TNIP3: variants seen among roughly 807,000 people sequenced by gnomAD.
TNIP3 encodes the protein TNFAIP3-interacting protein 3.
In TNIP3, 34 loss-of-function variants were observed where a neutral mutation model predicts 54.1. The ratio of observed to expected loss-of-function variants is 0.63; its 90% CI spans 0.48 to 0.84. The LOEUF (loss-of-function observed/expected upper bound fraction) is 0.84. Ranked by LOEUF, TNIP3 falls within the 40% of genes least tolerant of loss-of-function variation. The pLI, the probability that TNIP3 is intolerant of heterozygous loss-of-function variation, is 0.00. For synonymous variants in TNIP3, 134 were observed against 136.8 expected, an observed-to-expected ratio of 0.98 and a Z score of 0.14; for missense variants, 366 against 387.6, an observed-to-expected ratio of 0.94 and a Z score of 0.47.
intron 2 of TNIP3, among the ~76,000 whole-genome samples, chr4:121,214,304 G>C (rs1008700954): frequency 2.0e-5 from 3 of 152,130 alleles, no homozygotes; most frequent in Non-Finnish European, 4.4e-5. Flanking sequence ...GAACATTTTA[G>C]ATTACTATTA....
chr4:121,211,735 G>T (rs1726488255), intron 2 of TNIP3, among the ~76,000 whole-genome samples: 1 of 152,142 alleles, frequency 6.6e-6, no homozygotes, highest in South Asian at 2.1e-4. Flanking sequence ...TCTGTATATT[G>T]AATTATCAAC....
intron 9 of TNIP3, among the ~76,000 whole-genome samples, chr4:121,139,094 A>T (rs191324279): frequency 2.6e-5 from 4 of 152,318 alleles, no homozygotes; most frequent in Admixed American, 1.3e-4. Context: ...AAAAAGTTTA[A>T]TACAAGTTTT....
intron 3 of TNIP3, among the ~76,000 whole-genome samples, chr4:121,171,723 TTTTTG>T (rs376358497): frequency 1.3e-3 from 193 of 152,154 alleles, no homozygotes; most frequent in African/African-American, 4.4e-3. Flanking sequence ...ACTCCCCTAC[TTTTTG>T]TTTTGTTTTG....
At chr4:121,168,238 G>A (rs1195962520), upstream of TNIP3, among the ~76,000 whole-genome samples, 6 of 151,406 alleles carry the variant, frequency 4.0e-5, no homozygotes, top group African/African-American at 7.3e-5. Context: ...ACAGAGTCTC[G>A]CTCTGTCACC....
At chr4:121,182,708 T>G (rs1724783327) in exon 3 of TNIP3, 1 of 1,534,194 alleles carries the variant, frequency 6.5e-7, no homozygotes, top group Non-Finnish European at 8.7e-7. Flanking sequence ...TGAGTTGGCA[T>G]GGCCTCTGGG....
intron 2 of TNIP3, among the ~76,000 whole-genome samples, chr4:121,215,969 CTAAG>C (rs2148850058): frequency 6.6e-6 from 1 of 151,792 alleles, no homozygotes; most frequent in East Asian, 1.9e-4. Flanking sequence ...TGGAAAGCGC[CTAAG>C]TAAGGGATTT....
At position 121,223,633 on chromosome 4, in the gene TNIP3, T is replaced by A. The variant is rs144189403; in HGVS notation, c.3+3752A>T. On this transcript the variant is annotated intron_variant, in intron 1 of 12. Transcript: ENST00000509841. ...TAGAAAAGGTAAAAATGCCTCATTA[T>A]CACACGTGCATTTCATCATAGCTTT... 1.5e-4 allele frequency among the ~76,000 whole-genome samples: 23 copies of A among 152,270 alleles called. No homozygotes were observed. In the East Asian group the frequency reaches 3.7e-3, roughly 24 times the overall value.
At chr4:121,140,320 C>A (rs551875007) in intron 9 of TNIP3, among the ~76,000 whole-genome samples, 2 of 151,462 alleles carry the variant, frequency 1.3e-5, no homozygotes, top group Non-Finnish European at 2.9e-5. Context: ...GATGACAGAG[C>A]GAGATGCCTT....
At chr4:121,164,553 T>C (rs1730653842), upstream of TNIP3, among the ~76,000 whole-genome samples, 1 of 152,218 alleles carries the variant, frequency 6.6e-6, no homozygotes, top group African/African-American at 2.4e-5. Context: ...CTAACTGTTA[T>C]AAATTCATTG....
chr4:121,154,803 A>G (rs1729985366), intron 4 of TNIP3, 124 bp from the exon 5 acceptor site: 3 of 835,498 alleles, frequency 3.6e-6, no homozygotes, highest in South Asian at 3.9e-5. Flanking sequence ...AAATACAATA[A>G]AAACAGGACC....
chr4:121,180,738 G>A (rs996457864), intron 3 of TNIP3, among the ~76,000 whole-genome samples: 37 of 152,280 alleles, frequency 2.4e-4, no homozygotes, highest in Non-Finnish European at 5.9e-5. Flanking sequence ...ACACTGTTAA[G>A]TGATTGGTCT....
intron 10 of TNIP3, among the ~76,000 whole-genome samples, chr4:121,137,292 T>C (rs1373987307): frequency 6.6e-6 from 1 of 152,220 alleles, no homozygotes; most frequent in Non-Finnish European, 1.5e-5. Context: ...TATACCATAA[T>C]AGATTTTAAA....
intron 3 of TNIP3, among the ~76,000 whole-genome samples, chr4:121,170,792 C>T (rs1024352625): frequency 4.6e-5 from 7 of 151,976 alleles, no homozygotes; most frequent in African/African-American, 1.7e-4. Context: ...TTTTATGTAG[C>T]TAATTCTTTC....
intron 3 of TNIP3, among the ~76,000 whole-genome samples, chr4:121,180,256 C>T (rs1293384810): frequency 1.3e-5 from 2 of 151,966 alleles, no homozygotes; most frequent in African/African-American, 4.8e-5. Context: ...AAAAATTAGC[C>T]AGATGTGGTG....
chr4:121,163,128 A>G (rs948507610), intron 1 of TNIP3, among the ~76,000 whole-genome samples: 5 of 135,142 alleles, frequency 3.7e-5, no homozygotes, highest in African/African-American at 1.4e-4. Flanking sequence ...GAAATTCATA[A>G]GTAATATTCA....
intron 1 of TNIP3, 93 bp from the exon 2 acceptor site, chr4:121,161,309 C>A (rs1441101624): frequency 6.4e-6 from 7 of 1,094,064 alleles, no homozygotes; most frequent in African/African-American, 3.7e-5. Flanking sequence ...ATTTGGCCAA[C>A]TCTCCTGTTG....
chr4:121,226,885 G>T (rs796563374), intron 1 of TNIP3, among the ~76,000 whole-genome samples: 134 of 152,238 alleles, frequency 8.8e-4, no homozygotes, highest in African/African-American at 3.1e-3. Context: ...GCACCATGAA[G>T]AACACGGTGA....
intron 2 of TNIP3, among the ~76,000 whole-genome samples, chr4:121,183,336 C>A (rs9992960): frequency 0.35 from 52,468 of 152,064 alleles, 10,974 homozygotes; most frequent in African/African-American, 0.59. Flanking sequence ...CTTGCCACCA[C>A]ATGGAAATAA....
At chr4:121,219,940 ATTAACATTAAATG>A (rs1726962228), upstream of TNIP3, among the ~76,000 whole-genome samples, 2 of 152,158 alleles carry the variant, frequency 1.3e-5, no homozygotes, top group Admixed American at 6.5e-5. Context: ...TCTTTACTAA[ATTAACATTAAATG>A]TTAACCAGGT....
Sources: gnomAD v4.1 joint callset for allele counts (sites outside exome capture counted in the v4.1 genomes callset) on GRCh38, gnomAD v4.1.1 for gene constraint, MANE v1.5 for transcripts, NCBI Gene and HGNC (gene_info 2026-07-23, HGNC 2026-07-21) for gene names.